TET3: variants seen among roughly 807,000 people sequenced by gnomAD.
TET3 encodes the protein methylcytosine dioxygenase TET3.
Under a neutral mutation model 141.4 loss-of-function variants are expected in TET3, and 19 were observed. The observed-to-expected ratio is 0.13, with a 90% CI of 0.09 to 0.20. The LOEUF (loss-of-function observed/expected upper bound fraction) is 0.20, where lower values mean the gene tolerates loss of function less well. Among genes scored for constraint, TET3 ranks in the 10% least tolerant of loss-of-function variants. The pLI is 1.00. For synonymous variants in TET3, 1,043 were observed against 980.9 expected (o/e 1.06, Z -1.18); for missense variants, 1,874 against 2,356.9 (o/e 0.80, Z 4.24).
chr2:74,097,627 CT>C (rs1233564455), intron 10 of TET3, among the ~76,000 whole-genome samples: 3 of 152,114 alleles, frequency 2.0e-5, no homozygotes, highest in Non-Finnish European at 4.4e-5. Context: ...GGCCCAGAGT[CT>C]TTAGTGGGGT....
intron 2 of TET3, among the ~76,000 whole-genome samples, chr2:73,994,642 T>TTTC: frequency 7.3e-6 from 1 of 136,136 alleles, no homozygotes; most frequent in African/African-American, 3.3e-5. Flanking sequence ...TTCTTTCTTT[T>TTTC]TTTTTTTTTT....
chr2:74,044,226 G>A (rs915726095), intron 3 of TET3, among the ~76,000 whole-genome samples: 1 of 151,998 alleles, frequency 6.6e-6, no homozygotes, highest in African/African-American at 2.4e-5. Context: ...AAAACACTTT[G>A]TGTTATACTT....
Position 74,047,750 on chromosome 2 carries a change from G to T in TET3, c.1833G>T (p.Lys611Asn), listed in dbSNP as rs1344514502. ...TCCGAAAGCCCATTCAGATCAAGAA[G>T]TCCAGGCCCCGGGAAGCACAGCCCC... ...PSVRKPIQIK[K>N]SRPREAQPLF... Residue 611 changes from lysine to asparagine, a missense_variant, in exon 4 of 12, where the codon AAG (lysine) becomes AAT (asparagine). Around this residue, in one of 10 missense-constraint regions of TET3, gnomAD observed 484 missense variants for 462.2 expected, o/e 1.05. Coordinates refer to ENST00000409262, the MANE Select transcript of TET3 (RefSeq NM_001287491.2). The T allele has an allele frequency of 8.7e-6, 14 of 1,613,750 alleles. No homozygotes were observed. Among genetic ancestry groups the T allele is most frequent in the Non-Finnish European group, 1.2e-5 (14 of 1,179,790 alleles).
At chr2:73,985,561 C>T (rs1355274194) in intron 1 of TET3, among the ~76,000 whole-genome samples, 5 of 148,680 alleles carry the variant, frequency 3.4e-5, no homozygotes, top group East Asian at 2.0e-4. Context: ...CCCCCACCTC[C>T]AGGCGGCTTC....
Position 74,047,641 on chromosome 2 carries a change from C to T in TET3, c.1724C>T (p.Pro575Leu). The T allele has an allele frequency of 6.2e-7, 1 of 1,613,526 alleles. No homozygotes were observed. The highest frequency in any genetic ancestry group is 8.5e-7 in the Non-Finnish European group (1 of 1,179,696). ...SPVPRLPDRP[P>L]KEKKKKLPTP... ...GTCCCACGGCTTCCAGACAGACCAC[C>T]CAAGGAGAAGAAGAAGAAGCTCCCA... is the stretch of plus-strand genomic sequence containing the variant. Residue 575 changes from proline to leucine, a missense_variant, in exon 4 of 12, where the codon CCC (proline) becomes CTC (leucine). Pro to Leu is a moderately conservative substitution (Grantham distance 98). Transcript: ENST00000409262.
intron 6 of TET3, 138 bp downstream of exon 6, chr2:74,080,729 GA>G (rs1446102648): frequency 1.5e-6 from 1 of 677,660 alleles, no homozygotes; most frequent in Admixed American, 2.3e-5. Context: ...GTGTGTAGGA[GA>G]CAACATGTTG....
chr2:74,019,222 A>G (rs1254452091), intron 3 of TET3, among the ~76,000 whole-genome samples: 1 of 152,208 alleles, frequency 6.6e-6, no homozygotes, highest in Admixed American at 6.5e-5. Context: ...TGGCCACTGC[A>G]CTCCAGTCTG....
chr2:73,986,824 G>A, intron 2 of TET3, 118 bp downstream of exon 2: 1 of 994,510 alleles, frequency 1.0e-6, no homozygotes, highest in Non-Finnish European at 1.3e-6. Flanking sequence ...GATCCTCTTG[G>A]TCCAACTTTA....
In TET3 at chr2:74,048,287, A is replaced by G; in HGVS notation, c.2370A>G (p.Pro790=). ...QEATPTKAEN[P]LTPTLSGFLE... is the part of the protein sequence containing the mutation. ...CCACACCCACCAAGGCTGAGAACCC[A>G]CTCACACCCACCCTCAGTGGCTTCT... The change falls in exon 4 of 12, where the codon CCA becomes CCG. Residue 790 remains proline, a synonymous_variant. Transcript: ENST00000409262. 1 of 1,613,584 alleles carries G rather than the reference A, an allele frequency of 6.2e-7. No individual in the cohort carries two copies. Among genetic ancestry groups the G allele is most frequent in the Non-Finnish European group, 8.5e-7 (1 of 1,179,762 alleles).
At chr2:74,091,123 CT>C (rs2104102966) in intron 8 of TET3, among the ~76,000 whole-genome samples, 1 of 152,260 alleles carries the variant, frequency 6.6e-6, no homozygotes, top group South Asian at 2.1e-4. Context: ...GGCTTTTAGA[CT>C]TAAATAGTCT....
intron 11 of TET3, among the ~76,000 whole-genome samples, chr2:74,100,064 G>GT (rs1000486339): frequency 6.6e-6 from 1 of 152,182 alleles, no homozygotes; most frequent in Non-Finnish European, 1.5e-5. Flanking sequence ...TGGGCACAGA[G>GT]TGGGTGGTGG....
the TET3 span, among the ~76,000 whole-genome samples, chr2:74,126,650 C>T: frequency 1.3e-5 from 2 of 151,898 alleles, no homozygotes; most frequent in African/African-American, 4.8e-5. Context: ...TACAGGCACC[C>T]GCCACCACTC....
At chr2:74,068,774 A>AG (rs1353526854) in intron 4 of TET3, among the ~76,000 whole-genome samples, 3 of 152,262 alleles carry the variant, frequency 2.0e-5, no homozygotes, top group Non-Finnish European at 4.4e-5. Context: ...CCTCTGAAAG[A>AG]GGGAAAATGA....
intron 4 of TET3, among the ~76,000 whole-genome samples, chr2:74,072,842 A>G (rs1490743236): frequency 6.6e-6 from 1 of 152,232 alleles, no homozygotes; most frequent in Non-Finnish European, 1.5e-5. Context: ...GGGAAATCCT[A>G]CAGTATTTGT....
chr2:74,061,116 C>T (rs867964575), intron 4 of TET3, among the ~76,000 whole-genome samples: 8 of 150,438 alleles, frequency 5.3e-5, no homozygotes, highest in East Asian at 4.1e-4. Context: ...CCTCACCTAC[C>T]GGACGGGGCG....
At chr2:74,094,941 C>T (rs1024562711) in intron 10 of TET3, among the ~76,000 whole-genome samples, 2 of 152,000 alleles carry the variant, frequency 1.3e-5, no homozygotes, top group Non-Finnish European at 2.9e-5. Context: ...CTGGAGAGCA[C>T]GTGGTTTATA....
chr2:74,031,840 C>G (rs1686710596), intron 3 of TET3, among the ~76,000 whole-genome samples: 1 of 152,134 alleles, frequency 6.6e-6, no homozygotes, highest in Non-Finnish European at 1.5e-5. Context: ...AAGCTGAAAT[C>G]CATGAATATT....
At chr2:74,033,373 T>C (rs1333702911) in intron 3 of TET3, among the ~76,000 whole-genome samples, 1 of 152,146 alleles carries the variant, frequency 6.6e-6, no homozygotes, top group East Asian at 1.9e-4. Flanking sequence ...TGAATCCTAT[T>C]TTTTCCCCCA....
intron 3 of TET3, among the ~76,000 whole-genome samples, chr2:74,041,425 A>G (rs1054619444): frequency 6.6e-6 from 1 of 152,122 alleles, no homozygotes; most frequent in Non-Finnish European, 1.5e-5. Flanking sequence ...GCCTCCATTC[A>G]GTGGGGGACT....
Sources: gnomAD v4.1 joint callset for allele counts (sites outside exome capture counted in the v4.1 genomes callset) on GRCh38, gnomAD v4.1.1 for gene constraint, gnomAD v4.1.1 regional missense constraint, MANE v1.5 for transcripts, NCBI Gene and HGNC (gene_info 2026-07-23, HGNC 2026-07-21) for gene names.